The following CEACAM21 variants were observed in gnomAD, a reference collection of about 807,000 sequenced individuals.
CEACAM21 encodes CEA cell adhesion molecule 21.
A neutral mutation model predicts 33.2 loss-of-function variants in CEACAM21; 38 were observed. The observed-to-expected ratio is 1.14, with a 90% CI of 0.88 to 1.50. The LOEUF (loss-of-function observed/expected upper bound fraction) is 1.50. Ranked by LOEUF, CEACAM21 falls within the 40% of genes most tolerant of loss-of-function variation. The pLI is 0.00. For synonymous variants in CEACAM21, 156 were observed against 143.0 expected (o/e 1.09, Z -0.65); for missense variants, 385 against 364.6 (o/e 1.06, Z -0.46).
chr19:41,562,810 G>T (rs1177642057), intron 1 of CEACAM21, among the ~76,000 whole-genome samples: 1 of 151,970 alleles, frequency 6.6e-6, no homozygotes. Flanking sequence ...CGCAGTGCAA[G>T]CTCCACCTCC....
chr19:41,584,272 C>A, intron 3 of CEACAM21, 75 bp from the exon 4 acceptor site: 1 of 1,269,960 alleles, frequency 7.9e-7, no homozygotes. Flanking sequence ...CTGACCATGC[C>A]CCTGCCCTGC....
At chr19:41,577,664 C>A in intron 2 of CEACAM21, 105 bp downstream of exon 2, 1 of 1,532,746 alleles carries the variant, frequency 6.5e-7, no homozygotes, top group Non-Finnish European at 8.8e-7. Flanking sequence ...GCATTACGTC[C>A]CATGTTGGGG....
intron 1 of CEACAM21, among the ~76,000 whole-genome samples, chr19:41,552,792 T>C (rs2041298658): frequency 6.6e-6 from 1 of 152,150 alleles, no homozygotes; most frequent in Admixed American, 6.5e-5. Flanking sequence ...AGGCAGCACC[T>C]GCTAAAACAT....
intron 3 of CEACAM21, among the ~76,000 whole-genome samples, chr19:41,582,917 G>A (rs2043522760): frequency 6.6e-6 from 1 of 152,186 alleles, no homozygotes; most frequent in Non-Finnish European, 1.5e-5. Context: ...GCACATTTCT[G>A]CAGCTGGCTT....
intron 4 of CEACAM21, among the ~76,000 whole-genome samples, chr19:41,585,057 G>A (rs1416346812): frequency 1.3e-5 from 2 of 152,200 alleles, no homozygotes; most frequent in African/African-American, 4.8e-5. Flanking sequence ...AGTTCCAGGA[G>A]AATCCAAGAT....
chr19:41,554,093 T>G (rs1288692797), intron 1 of CEACAM21, among the ~76,000 whole-genome samples: 1 of 152,044 alleles, frequency 6.6e-6, no homozygotes, highest in Non-Finnish European at 1.5e-5. Flanking sequence ...AGCAACGTTT[T>G]AAGCAAAAAG....
intron 1 of CEACAM21, among the ~76,000 whole-genome samples, chr19:41,556,538 CT>C (rs2041538399): frequency 6.6e-6 from 1 of 152,238 alleles, no homozygotes; most frequent in Non-Finnish European, 1.5e-5. Context: ...TTCCAGATCT[CT>C]TATAATCAGA....
At chr19:41,560,446 T>G (rs1296266390) in intron 1 of CEACAM21, among the ~76,000 whole-genome samples, 1 of 152,148 alleles carries the variant, frequency 6.6e-6, no homozygotes, top group Non-Finnish European at 1.5e-5. Context: ...GGTCTTGAAC[T>G]CCAAACCTCC....
At chr19:41,577,802 G>A (rs568547312) in intron 2 of CEACAM21, among the ~76,000 whole-genome samples, 7 of 152,264 alleles carry the variant, frequency 4.6e-5, no homozygotes, top group South Asian at 4.1e-4. Flanking sequence ...GAGATGCAGC[G>A]GGGGAAAATC....
intron 1 of CEACAM21, among the ~76,000 whole-genome samples, chr19:41,557,260 C>T (rs1245651702): frequency 6.6e-6 from 1 of 152,132 alleles, no homozygotes; most frequent in East Asian, 1.9e-4. Flanking sequence ...CATGTGGTGT[C>T]TCCAGTAAGA....
intron 1 of CEACAM21, among the ~76,000 whole-genome samples, chr19:41,563,992 T>C (rs1247814302): frequency 6.6e-6 from 1 of 152,204 alleles, no homozygotes; most frequent in African/African-American, 2.4e-5. Flanking sequence ...GCACCAAGTA[T>C]CTGAATCTGC....
chr19:41,585,324 TA>T (rs2070648147), intron 4 of CEACAM21, 118 bp from the exon 5 acceptor site: 3 of 1,035,332 alleles, frequency 2.9e-6, no homozygotes, highest in South Asian at 2.7e-5. Context: ...CAGAACTCCA[TA>T]AAGAAAGGAG....
chr19:41,565,279 G>T (rs1008527690), intron 2 of CEACAM21, among the ~76,000 whole-genome samples: 2 of 152,118 alleles, frequency 1.3e-5, no homozygotes, highest in African/African-American at 2.4e-5. Flanking sequence ...CAGTGGGGAG[G>T]AGAAGGGGGT....
At chr19:41,585,734 G>T in intron 5 of CEACAM21, 106 bp from the exon 6 acceptor site, 1 of 1,249,068 alleles carries the variant, frequency 8.0e-7, no homozygotes, top group Non-Finnish European at 1.1e-6. Flanking sequence ...ACCTGAGAAA[G>T]GCTCCCTCTC....
rs1422532472 is a variant in CEACAM21, at chr19:41,577,257, C to T, written c.122C>T (p.Ala41Val). 16 of 1,613,960 alleles carry T rather than the reference C, an allele frequency of 9.9e-6. No individual in the cohort carries two copies. The highest frequency in any genetic ancestry group is 1.6e-4 in the Middle Eastern group (1 of 6,084). ...ACTGCCTGGCTCTTTATTGCATCAGCGCCCTTTGAAGTTGCTGAAGGGGAG... is the reference window on the plus strand; with the variant it reads ...ACTGCCTGGCTCTTTATTGCATCAGTGCCCTTTGAAGTTGCTGAAGGGGAG... ...PTTAWLFIASAPFEVAEGENV... is the reference protein window; with the variant it reads ...PTTAWLFIASVPFEVAEGENV... Residue 41 changes from alanine (A) to valine (V), a missense_variant, in exon 2 of 7, where the codon GCG becomes GTG. Physicochemically the swap from Ala to Val is moderately conservative, Grantham distance 64. Coordinates refer to ENST00000401445, the MANE Select transcript of CEACAM21 (RefSeq NM_001098506.4).
At chr19:41,573,474 G>A (rs909049123), upstream of CEACAM21, among the ~76,000 whole-genome samples, 1 of 152,112 alleles carries the variant, frequency 6.6e-6, no homozygotes, top group Non-Finnish European at 1.5e-5. Context: ...TCACTGCCTT[G>A]CTAAGCACCT....
chr19:41,574,218 A>T (rs1335863846), upstream of CEACAM21, among the ~76,000 whole-genome samples: 1 of 152,264 alleles, frequency 6.6e-6, no homozygotes, highest in Non-Finnish European at 1.5e-5. Flanking sequence ...AAAAACCTAA[A>T]TGGAATAGCA....
intron 2 of CEACAM21, among the ~76,000 whole-genome samples, chr19:41,570,566 C>T (rs62119450): frequency 0.028 from 4,237 of 152,190 alleles, 148 homozygotes; most frequent in African/African-American, 0.084. Flanking sequence ...GAAGTGGGAC[C>T]GGGCAGAATC....
intron 4 of CEACAM21, among the ~76,000 whole-genome samples, chr19:41,584,723 G>A (rs531215335): frequency 6.6e-6 from 1 of 152,152 alleles, no homozygotes; most frequent in South Asian, 2.1e-4. Flanking sequence ...GGAGCAGGGG[G>A]GAGCGGTGCT....
Sources: gnomAD v4.1 joint callset for allele counts (sites outside exome capture counted in the v4.1 genomes callset) on GRCh38, gnomAD v4.1.1 for gene constraint, MANE v1.5 for transcripts, NCBI Gene and HGNC (gene_info 2026-07-23, HGNC 2026-07-21) for gene names.